Variants in LNP1 observed in about 807,000 individuals in gnomAD.
LNP1 encodes the protein leukemia NUP98 fusion partner 1.
LNP1 carries 12 observed loss-of-function variants against 14.5 expected under a neutral mutation model. The ratio of observed to expected loss-of-function variants is 0.83; its 90% CI spans 0.53 to 1.34. LNP1 has a LOEUF of 1.34. Among genes scored for constraint, LNP1 ranks in the 40% most tolerant of loss-of-function variants. LNP1 has a pLI of 0.00. For missense variants in LNP1, 198 were observed against 210.9 expected (o/e 0.94, Z 0.38); for synonymous variants, 75 against 71.4 (o/e 1.05, Z -0.26).
At chr3:100,428,443 A>G (rs1381669888) in intron 1 of LNP1, among the ~76,000 whole-genome samples, 1 of 151,900 alleles carries the variant, frequency 6.6e-6, no homozygotes, top group Non-Finnish European at 1.5e-5. Context: ...GAGGCAGGAG[A>G]ATCATTTGAA....
At chr3:100,427,560 C>T (rs973848004) in intron 1 of LNP1, among the ~76,000 whole-genome samples, 2 of 152,208 alleles carry the variant, frequency 1.3e-5, no homozygotes, top group African/African-American at 2.4e-5. Flanking sequence ...TTCCCAAACC[C>T]TGCTTTAGCC....
chr3:100,404,937 C>T (rs1323864224), intron 1 of LNP1, among the ~76,000 whole-genome samples: 1 of 151,774 alleles, frequency 6.6e-6, no homozygotes, highest in African/African-American at 2.4e-5. Context: ...GGACTACTGG[C>T]GCCCGCCACC....
chr3:100,450,089 CTTTTTT>C (rs57762414), intron 2 of LNP1, among the ~76,000 whole-genome samples: 7 of 135,184 alleles, frequency 5.2e-5, no homozygotes, highest in Non-Finnish European at 9.5e-5. Flanking sequence ...CACCATACCA[CTTTTTT>C]TTTTTTTTTT....
intron 1 of LNP1, among the ~76,000 whole-genome samples, 171 bp from the exon 2 acceptor site, chr3:100,429,526 C>T (rs1050643452): frequency 6.6e-6 from 1 of 152,198 alleles, no homozygotes; most frequent in African/African-American, 2.4e-5. Flanking sequence ...TATAAATAGA[C>T]ATTGCCCAAG....
intron 2 of LNP1, among the ~76,000 whole-genome samples, chr3:100,450,332 AT>A (rs1346496509): frequency 0.011 from 1,486 of 138,910 alleles, 12 homozygotes; most frequent in African/African-American, 0.029. Context: ...CTGGATGTTA[AT>A]TTTTTTTTTT....
chr3:100,434,737 C>T (rs766875958), intron 2 of LNP1, among the ~76,000 whole-genome samples: 1 of 151,780 alleles, frequency 6.6e-6, no homozygotes, highest in Non-Finnish European at 1.5e-5. Flanking sequence ...CCATGTTAGC[C>T]TGGCTGGTCT....
At chr3:100,402,999 A>G (rs1706927514) in intron 1 of LNP1, among the ~76,000 whole-genome samples, 1 of 152,190 alleles carries the variant, frequency 6.6e-6, no homozygotes, top group South Asian at 2.1e-4. Context: ...GGTTACTTTT[A>G]TACTTTGATA....
At chr3:100,413,691 G>A (rs908300539) in intron 1 of LNP1, among the ~76,000 whole-genome samples, 3 of 152,216 alleles carry the variant, frequency 2.0e-5, no homozygotes, top group Non-Finnish European at 2.9e-5. Flanking sequence ...ATGCTGGGGC[G>A]AGTGGGTGTT....
chr3:100,419,527 T>G (rs1300282153), intron 1 of LNP1, among the ~76,000 whole-genome samples: 1 of 152,088 alleles, frequency 6.6e-6, no homozygotes. Flanking sequence ...TGTAGTTCTG[T>G]GCAATTTTAT....
At chr3:100,430,339 A>G (rs530494873) in intron 2 of LNP1, among the ~76,000 whole-genome samples, 2 of 152,318 alleles carry the variant, frequency 1.3e-5, no homozygotes, top group African/African-American at 2.4e-5. Context: ...GAAATTTGAC[A>G]TACTTGTTTT....
chr3:100,426,583 C>G (rs1232694269), intron 1 of LNP1, among the ~76,000 whole-genome samples: 1 of 152,204 alleles, frequency 6.6e-6, no homozygotes, highest in Admixed American at 6.5e-5. Flanking sequence ...AAGGGTCAGA[C>G]AGACACCTGA....
chr3:100,439,187 A>G (rs1342016436), intron 2 of LNP1, among the ~76,000 whole-genome samples: 1 of 151,878 alleles, frequency 6.6e-6, no homozygotes, highest in African/African-American at 2.4e-5. Context: ...ACAAACATCC[A>G]TTTCACTCCC....
intron 2 of LNP1, among the ~76,000 whole-genome samples, chr3:100,434,608 A>C (rs1046122420): frequency 5.4e-5 from 8 of 147,882 alleles, no homozygotes; most frequent in African/African-American, 1.5e-4. Context: ...GGCTCACTAC[A>C]ACCTCTGCCT....
chr3:100,402,495 A>T (rs1706921171), intron 1 of LNP1, 56 bp downstream of exon 1: 1 of 152,148 alleles, frequency 6.6e-6, no homozygotes. Flanking sequence ...GCAACAGACT[A>T]AAAAAATGGG....
chr3:100,454,786 C>A (rs1707493989), intron 3 of LNP1, among the ~76,000 whole-genome samples: 1 of 152,144 alleles, frequency 6.6e-6, no homozygotes, highest in Non-Finnish European at 1.5e-5. Context: ...GCGGCTGACA[C>A]CACTGTGTTA....
intron 1 of LNP1, among the ~76,000 whole-genome samples, chr3:100,415,665 A>C (rs1408423906): frequency 6.6e-6 from 1 of 152,214 alleles, no homozygotes; most frequent in Admixed American, 6.5e-5. Context: ...CACTGCACAC[A>C]CAAGAAAACC....
intron 1 of LNP1, among the ~76,000 whole-genome samples, chr3:100,412,617 A>C (rs1707040985): frequency 6.6e-6 from 1 of 152,220 alleles, no homozygotes; most frequent in South Asian, 2.1e-4. Context: ...TCTCAACATC[A>C]GAAGCCGTGT....
chr3:100,425,091 G>A (rs1707180018), intron 1 of LNP1, among the ~76,000 whole-genome samples: 1 of 152,158 alleles, frequency 6.6e-6, no homozygotes, highest in African/African-American at 2.4e-5. Flanking sequence ...CTTGGGCTGA[G>A]GCAGGCCAAG....
intron 1 of LNP1, among the ~76,000 whole-genome samples, chr3:100,427,123 T>C (rs1167404876): frequency 6.6e-6 from 1 of 152,066 alleles, no homozygotes; most frequent in African/African-American, 2.4e-5. Flanking sequence ...CCTTTCTTGC[T>C]GGTTTATCTA....
Sources: allele counts gnomAD v4.1 joint callset (sites outside exome capture counted in the v4.1 genomes callset), GRCh38; gene constraint gnomAD v4.1.1; transcripts MANE v1.5; gene names NCBI Gene and HGNC (gene_info 2026-07-23, HGNC 2026-07-21).